ARPP21: variants seen among roughly 807,000 people sequenced by gnomAD.
ARPP21 encodes cAMP-regulated phosphoprotein 21.
ARPP21 carries 69 observed loss-of-function variants against 113.2 expected under a neutral mutation model. The ratio of observed to expected loss-of-function variants is 0.61; its 90% CI spans 0.50 to 0.74. The LOEUF (loss-of-function observed/expected upper bound fraction) is 0.74, where lower values mean the gene tolerates loss of function less well. ARPP21 is among the 30% of genes least tolerant of loss of function. The pLI, the probability that ARPP21 is intolerant of heterozygous loss-of-function variation, is 0.00. For missense variants in ARPP21, 1,070 were observed against 1,037.4 expected, an observed-to-expected ratio of 1.03 and a Z score of -0.43; for synonymous variants, 368 against 375.5, an observed-to-expected ratio of 0.98 and a Z score of 0.23.
chr3:35,696,866 ACTTTCCGAT>A (rs1440710351), intron 9 of ARPP21, among the ~76,000 whole-genome samples: 1 of 151,364 alleles, frequency 6.6e-6, no homozygotes, highest in African/African-American at 2.4e-5. Context: ...TCTTTCTCTC[ACTTTCCGAT>A]CTTCAGTTTC....
At chr3:35,698,020 A>T (rs2084734494) in intron 9 of ARPP21, among the ~76,000 whole-genome samples, 1 of 151,462 alleles carries the variant, frequency 6.6e-6, no homozygotes, top group South Asian at 2.1e-4. Flanking sequence ...TGGTAAATTT[A>T]CTCTGCACTT....
intron 1 of ARPP21, chr3:35,650,221 A>T (rs963088544): frequency 2.0e-5 from 3 of 152,166 alleles, no homozygotes; most frequent in Non-Finnish European, 4.4e-5. Context: ...AGCCAAGTTA[A>T]GTAGCCAGCT....
intron 1 of ARPP21, among the ~76,000 whole-genome samples, chr3:35,655,255 C>A (rs934796871): frequency 6.6e-5 from 10 of 151,732 alleles, no homozygotes; most frequent in Admixed American, 2.0e-4. Context: ...ATATTGATAT[C>A]TACATTTATA....
rs528547583 is a variant in ARPP21, at chr3:35,664,937, A to G, written c.-212-14850A>G. On this transcript the variant is annotated intron_variant, in intron 1 of 20. Coordinates refer to ENST00000684406, the MANE Select transcript of ARPP21 (RefSeq NM_001385562.1). ...TTGCATACTCTGAGTGACTTAGCCC[A>G]CCTGCTATTTTGTGTGTGTGTAACC... Among the ~76,000 whole-genome samples, 73 of 152,252 alleles carry G rather than the reference A, an allele frequency of 4.8e-4. 1 individual carries two copies. Among genetic ancestry groups the G allele is most frequent in the African/African-American group, 1.6e-3 (68 of 41,560 alleles).
Position 35,773,837 on chromosome 3 carries a change from A to C in ARPP21, c.2138-18545A>C, listed in dbSNP as rs1240523170. Among the ~76,000 whole-genome samples, 3 of 152,296 alleles carry C rather than the reference A, an allele frequency of 2.0e-5. No individual in the cohort carries two copies. In the East Asian group the frequency reaches 5.8e-4, roughly 29 times the overall value. ...ATAATAAAACTAATTATTGTGCTAC[A>C]TCTTAGACTACATCTGTTTTAAATA... is the stretch of plus-strand genomic sequence containing the variant. On this transcript the variant is annotated intron_variant, in intron 19 of 20. Coordinates refer to ENST00000684406, the MANE Select transcript of ARPP21 (RefSeq NM_001385562.1).
intron 15 of ARPP21, among the ~76,000 whole-genome samples, chr3:35,729,996 C>G (rs1404218973): frequency 6.6e-6 from 1 of 152,172 alleles, no homozygotes; most frequent in East Asian, 1.9e-4. Context: ...ACCATTAACT[C>G]TAGAAGTTGC....
chr3:35,792,685 A>C (rs1389974149), intron 20 of ARPP21, among the ~76,000 whole-genome samples, 155 bp downstream of exon 20: 2 of 152,200 alleles, frequency 1.3e-5, no homozygotes, highest in Non-Finnish European at 2.9e-5. Flanking sequence ...TATAATAGAA[A>C]AGTAGAAAAT....
intron 18 of ARPP21, among the ~76,000 whole-genome samples, chr3:35,742,574 C>G (rs771654512): frequency 2.6e-5 from 4 of 152,212 alleles, no homozygotes; most frequent in Non-Finnish European, 4.4e-5. Context: ...AGTTATAATT[C>G]ATCATGATTC....
chr3:35,744,035 G>T (rs184897186), intron 19 of ARPP21, 70 bp downstream of exon 19: 1 of 1,538,774 alleles, frequency 6.5e-7, no homozygotes, highest in Non-Finnish European at 9.0e-7. Flanking sequence ...GTACTCTTTG[G>T]ATGAGTGTCC....
chr3:35,790,180 C>G (rs1424582227), intron 19 of ARPP21, among the ~76,000 whole-genome samples: 1 of 152,208 alleles, frequency 6.6e-6, no homozygotes, highest in African/African-American at 2.4e-5. Flanking sequence ...CTAAATGGCA[C>G]TCCTCTCATT....
intron 19 of ARPP21, among the ~76,000 whole-genome samples, chr3:35,765,487 C>T (rs1410238384): frequency 6.6e-6 from 1 of 152,140 alleles, no homozygotes; most frequent in Non-Finnish European, 1.5e-5. Context: ...AGTGAAGCAT[C>T]AGTATACTGA....
intron 19 of ARPP21, among the ~76,000 whole-genome samples, chr3:35,761,427 A>G (rs539774352): frequency 6.6e-6 from 1 of 152,082 alleles, no homozygotes; most frequent in African/African-American, 2.4e-5. Flanking sequence ...TCTTCTTTAT[A>G]CAGTAACCCC....
At chr3:35,793,674 A>G (rs2096792302) in intron 20 of ARPP21, 27 bp from the exon 21 acceptor site, 3 of 1,587,162 alleles carry the variant, frequency 1.9e-6, no homozygotes, top group Non-Finnish European at 2.6e-6. Flanking sequence ...CTCTTCATAC[A>G]GGGTTCTTGC....
chr3:35,784,401 A>C (rs1049923848), intron 19 of ARPP21, among the ~76,000 whole-genome samples: 11 of 152,210 alleles, frequency 7.2e-5, no homozygotes, highest in African/African-American at 2.7e-4. Context: ...GAAATCAGCA[A>C]ACACCACAAA....
intron 19 of ARPP21, among the ~76,000 whole-genome samples, chr3:35,784,508 A>G (rs1225410320): frequency 6.6e-6 from 1 of 152,218 alleles, no homozygotes; most frequent in Non-Finnish European, 1.5e-5. Flanking sequence ...TCCATCAACC[A>G]TGTGATAGCA....
intron 13 of ARPP21, among the ~76,000 whole-genome samples, chr3:35,718,246 G>C (rs1166955539): frequency 1.3e-5 from 2 of 152,070 alleles, no homozygotes; most frequent in Non-Finnish European, 2.9e-5. Context: ...CTTACACTTT[G>C]ATTGAAACAA....
rs1173628179 is a variant in ARPP21 at position 35,668,017 on chromosome 3, G to GAAA, written c.-212-11768_-212-11767insAAA. Among the ~76,000 whole-genome samples, 122 of 149,582 alleles carry GAAA rather than the reference G, an allele frequency of 8.2e-4. 2 individuals are homozygous for GAAA. Among genetic ancestry groups the GAAA allele is most frequent in the African/African-American group, 2.7e-3 (110 of 40,002 alleles). On this transcript the variant is annotated intron_variant, in intron 1 of 20. Coordinates refer to ENST00000684406, the MANE Select transcript of ARPP21 (RefSeq NM_001385562.1). ...AGAAGAAGAAGAAGAAGAAGAAGAA[G>GAAA]AAGAAGAAGAAGAAGGAGAAGAAGA...
chr3:35,679,279 C>T (rs1252171110), intron 1 of ARPP21, among the ~76,000 whole-genome samples: 2 of 151,708 alleles, frequency 1.3e-5, no homozygotes, highest in African/African-American at 4.8e-5. Context: ...TTTTTTTTAA[C>T]TTTTATAGAG....
At chr3:35,785,845 G>A (rs1483116704) in intron 19 of ARPP21, among the ~76,000 whole-genome samples, 1 of 152,132 alleles carries the variant, frequency 6.6e-6, no homozygotes, top group Non-Finnish European at 1.5e-5. Flanking sequence ...TTACTAGGAT[G>A]ACTACTATAT....
Sources: gnomAD v4.1 joint callset for allele counts (sites outside exome capture counted in the v4.1 genomes callset) on GRCh38, gnomAD v4.1.1 for gene constraint, MANE v1.5 for transcripts, NCBI Gene and HGNC (gene_info 2026-07-23, HGNC 2026-07-21) for gene names.